Variants in WSCD2 observed in about 807,000 individuals in gnomAD.
The protein encoded by WSCD2 is sialate:O-sulfotransferase 2.
WSCD2 carries 28 observed loss-of-function variants against 55.7 expected under a neutral mutation model. That is an observed-to-expected ratio of 0.50 (90% CI 0.37 to 0.69). The LOEUF is 0.69. Among genes scored for constraint, WSCD2 ranks in the 30% least tolerant of loss-of-function variants. The pLI, the probability that WSCD2 is intolerant of heterozygous loss-of-function variation, is 0.00. For synonymous variants in WSCD2, 301 were observed against 301.9 expected (o/e 1.00, Z 0.03); for missense variants, 616 against 762.1 (o/e 0.81, Z 2.26).
In WSCD2 at chr12:108,166,761, T is replaced by TTTTTCTTTCTTTCTTTCTTTCTTTC. The variant is rs1555225181; in HGVS notation, c.-551-28518_-551-28517insTCTTTCTTTCTTTCTTTCTTTCTTT. 2.4e-3 allele frequency among the ~76,000 whole-genome samples: 297 copies of TTTTTCTTTCTTTCTTTCTTTCTTTC among 124,884 alleles called. 1 individual carries two copies. Among genetic ancestry groups the TTTTTCTTTCTTTCTTTCTTTCTTTC allele is most frequent in the African/African-American group, 8.7e-3 (285 of 32,692 alleles). The allele number at this position is 124,884 out of a possible 152,430, so 81.9% of individuals were successfully genotyped here. A position where few individuals can be genotyped will look rare whatever the true frequency, so the allele number is the denominator to read the frequency against. ...CTTTCTTTCCTTCTTTCTTTCTTTC[T>TTTTTCTTTCTTTCTTTCTTTCTTTC]TTTCTTTCTTTCTTTCTTTCTTTCT... On this transcript the variant is annotated intron_variant, in intron 1 of 8. Transcript: ENST00000547525.
chr12:108,174,859 G>A (rs1256658121), intron 1 of WSCD2, among the ~76,000 whole-genome samples: 1 of 152,196 alleles, frequency 6.6e-6, no homozygotes, highest in Non-Finnish European at 1.5e-5. Context: ...TGGGCTTCAA[G>A]CGATCCTCCT....
At position 108,224,895 on chromosome 12, in the gene WSCD2, G is replaced by A. The variant is rs767392300; in HGVS notation, c.804+35G>A. 4.4e-6 allele frequency: 7 copies of A among 1,606,090 alleles called. No individual in the cohort carries two copies. The South Asian group carries it at 5.5e-5, about 13-fold the overall frequency. The stretch of plus-strand genomic sequence containing the variant: ...AGGTGGGGCCCATGGAACTCAGGGG[G>A]AGGGAACCATGCAGCAGAGCTGCAG... On this transcript the variant is annotated intron_variant, in intron 5 of 8. Coordinates refer to ENST00000547525, the MANE Select transcript of WSCD2 (RefSeq NM_014653.4).
intron 1 of WSCD2, among the ~76,000 whole-genome samples, chr12:108,141,382 G>A (rs1048161377): frequency 6.6e-6 from 1 of 152,154 alleles, no homozygotes; most frequent in Non-Finnish European, 1.5e-5. Context: ...ACTACAGATG[G>A]CCACCACCAT....
intron 2 of WSCD2, among the ~76,000 whole-genome samples, chr12:108,198,188 G>T (rs1183103404): frequency 6.6e-6 from 1 of 151,788 alleles, no homozygotes; most frequent in Non-Finnish European, 1.5e-5. Context: ...GCTCCAGGAG[G>T]GCAGGGCTAT....
chr12:108,139,709 C>A (rs1438587730), intron 1 of WSCD2, among the ~76,000 whole-genome samples: 3 of 152,188 alleles, frequency 2.0e-5, no homozygotes, highest in Non-Finnish European at 4.4e-5. Flanking sequence ...AGAAGCCCAG[C>A]ACAATACCTA....
At chr12:108,212,403 T>C (rs551332877) in intron 4 of WSCD2, among the ~76,000 whole-genome samples, 11 of 152,300 alleles carry the variant, frequency 7.2e-5, no homozygotes, top group African/African-American at 2.6e-4. Flanking sequence ...GGACTGTGTA[T>C]GTCATTAGCC....
chr12:108,179,798 C>T (rs965845046), intron 1 of WSCD2, among the ~76,000 whole-genome samples: 3 of 152,208 alleles, frequency 2.0e-5, no homozygotes, highest in African/African-American at 4.8e-5. Flanking sequence ...CTATCTGAGC[C>T]TCAGTTTCTC....
chr12:108,144,896 G>GCAC lies in WSCD2; in HGVS notation c.-552+14971_-552+14973dup, dbSNP rs1432831324. ...GAGGCAAAGAGACCTGCCTAAGCTC[G>GCAC]CACAACTCGGACATGGCAGAGCCAA... On this transcript the variant is annotated intron_variant, in intron 1 of 8. Transcript: ENST00000547525. Among the ~76,000 whole-genome samples the GCAC allele has an allele frequency of 1.1e-4, 17 of 152,268 alleles. 1 individual carries two copies. Among genetic ancestry groups the GCAC allele is most frequent in the Admixed American group, 9.8e-4 (15 of 15,304 alleles).
intron 1 of WSCD2, among the ~76,000 whole-genome samples, chr12:108,156,714 G>C (rs923503956): frequency 6.6e-6 from 1 of 152,128 alleles, no homozygotes; most frequent in Non-Finnish European, 1.5e-5. Flanking sequence ...AGTCAAATTC[G>C]ACTTGGAGTC....
chr12:108,154,966 G>A (rs1296577379), intron 1 of WSCD2, among the ~76,000 whole-genome samples: 3 of 152,138 alleles, frequency 2.0e-5, no homozygotes, highest in East Asian at 1.9e-4. Flanking sequence ...GAAGTACCAC[G>A]TGAGACATGG....
At chr12:108,178,694 C>A (rs1565938020) in intron 1 of WSCD2, among the ~76,000 whole-genome samples, 1 of 152,190 alleles carries the variant, frequency 6.6e-6, no homozygotes, top group Non-Finnish European at 1.5e-5. Context: ...GTAACAGCAA[C>A]AATACTCATA....
At chr12:108,189,889 G>T (rs1882945050) in intron 1 of WSCD2, 1 of 146,738 alleles carries the variant, frequency 6.8e-6, no homozygotes, top group Non-Finnish European at 1.5e-5. Context: ...GAATTAATGA[G>T]GGAGAAATTC....
chr12:108,168,762 C>T (rs1234750685), intron 1 of WSCD2, among the ~76,000 whole-genome samples: 2 of 152,236 alleles, frequency 1.3e-5, no homozygotes, highest in African/African-American at 4.8e-5. Context: ...CATAAAACTT[C>T]TCCCTTACTG....
At chr12:108,206,093 A>T (rs73397899) in intron 2 of WSCD2, among the ~76,000 whole-genome samples, 196 bp from the exon 3 acceptor site, 1 of 152,182 alleles carries the variant, frequency 6.6e-6, no homozygotes, top group Non-Finnish European at 1.5e-5. Context: ...ACTCCTCTCT[A>T]TTGGTCTCCG....
At chr12:108,215,361 G>A (rs1895911) in intron 4 of WSCD2, among the ~76,000 whole-genome samples, 34,301 of 152,040 alleles carry the variant, frequency 0.23, 4,165 homozygotes, top group African/African-American at 0.32. Context: ...CTGGTGCTTC[G>A]TCTATAAAAT....
intron 6 of WSCD2, among the ~76,000 whole-genome samples, chr12:108,229,843 A>G (rs1290534237): frequency 6.6e-6 from 1 of 150,974 alleles, no homozygotes; most frequent in Non-Finnish European, 1.5e-5. Flanking sequence ...CACCCGACCT[A>G]TCAACCCAAC....
chr12:108,149,308 A>C (rs957055038), intron 1 of WSCD2, among the ~76,000 whole-genome samples: 3 of 152,230 alleles, frequency 2.0e-5, no homozygotes, highest in African/African-American at 7.2e-5. Flanking sequence ...ACCCAAAGAC[A>C]ACAGAGACTC....
chr12:108,154,849 A>G (rs1035231493), intron 1 of WSCD2, among the ~76,000 whole-genome samples: 4 of 152,272 alleles, frequency 2.6e-5, no homozygotes, highest in Admixed American at 2.0e-4. Context: ...GCAATAATAC[A>G]TATGCAATCA....
At chr12:108,164,154 T>TTTTTTTTTTTTTTTTTTTTTTTTTTTTG (rs71076765) in intron 1 of WSCD2, among the ~76,000 whole-genome samples, 1 of 139,826 alleles carries the variant, frequency 7.2e-6, no homozygotes, top group Non-Finnish European at 1.6e-5. Flanking sequence ...TTTTTTTTTT[T>TTTTTTTTTTTTTTTTTTTTTTTTTTTTG]TTTTTTTTCA....
Sources: gnomAD v4.1 joint callset for allele counts (sites outside exome capture counted in the v4.1 genomes callset) on GRCh38, gnomAD v4.1.1 for gene constraint, MANE v1.5 for transcripts, NCBI Gene and HGNC (gene_info 2026-07-23, HGNC 2026-07-21) for gene names.